The following GPC5 variants were observed in gnomAD, a reference collection of about 807,000 sequenced individuals.
GPC5 encodes the protein glypican 5, also known as glypican-5.
In GPC5, 47 loss-of-function variants were observed where a neutral mutation model predicts 53.9. The ratio of observed to expected loss-of-function variants is 0.87; its 90% CI spans 0.69 to 1.11. GPC5 has a LOEUF of 1.11. Among genes scored for constraint, GPC5 ranks in the 50% most tolerant of loss-of-function variants. The probability of loss-of-function intolerance (pLI) is 0.00; values close to 1 mark genes in which losing one functional copy is unlikely to be tolerated. For synonymous variants in GPC5, 286 were observed against 263.3 expected (o/e 1.09, Z -0.84); for missense variants, 748 against 713.1 (o/e 1.05, Z -0.56).
At chr13:91,660,178 T>G (rs1212756923) in intron 2 of GPC5, among the ~76,000 whole-genome samples, 1 of 152,214 alleles carries the variant, frequency 6.6e-6, no homozygotes, top group Non-Finnish European at 1.5e-5. Context: ...TTATCAGTTA[T>G]TGATTAAGTT....
chr13:91,643,439 A>G (rs555805786), intron 2 of GPC5, among the ~76,000 whole-genome samples: 3 of 152,234 alleles, frequency 2.0e-5, no homozygotes, highest in Non-Finnish European at 4.4e-5. Context: ...ATGATGTAAA[A>G]TATACACCAG....
intron 6 of GPC5, among the ~76,000 whole-genome samples, chr13:92,123,851 T>C (rs186759867): frequency 6.6e-6 from 1 of 152,222 alleles, no homozygotes; most frequent in Non-Finnish European, 1.5e-5. Flanking sequence ...ATATTCTTAA[T>C]TTTGTATTGA....
intron 1 of GPC5, among the ~76,000 whole-genome samples, chr13:91,444,252 C>G (rs1428803836): frequency 6.6e-6 from 1 of 152,024 alleles, no homozygotes; most frequent in African/African-American, 2.4e-5. Flanking sequence ...CACCTCATAT[C>G]TGAGTTTTAA....
intron 7 of GPC5, among the ~76,000 whole-genome samples, chr13:92,186,358 T>C (rs2042183618): frequency 6.6e-6 from 1 of 151,980 alleles, no homozygotes; most frequent in African/African-American, 2.4e-5. Context: ...TTGGATATAG[T>C]ATAATTTCCA....
intron 6 of GPC5, among the ~76,000 whole-genome samples, chr13:91,975,458 A>G (rs1460675372): frequency 1.3e-5 from 2 of 152,224 alleles, no homozygotes; most frequent in Non-Finnish European, 2.9e-5. Flanking sequence ...AAAGTGGGCA[A>G]AGGATATGAA....
At chr13:92,042,837 C>T (rs868296672) in intron 6 of GPC5, among the ~76,000 whole-genome samples, 5 of 151,872 alleles carry the variant, frequency 3.3e-5, no homozygotes, top group East Asian at 1.9e-4. Flanking sequence ...GTTCAAAGAA[C>T]GAAAAGAGCC....
chr13:92,577,507 T>G (rs1193740238), intron 7 of GPC5, among the ~76,000 whole-genome samples: 3 of 151,788 alleles, frequency 2.0e-5, no homozygotes, highest in African/African-American at 7.3e-5. Context: ...CATAAATACC[T>G]TTCTCAAGGT....
Position 91,907,654 on chromosome 13 carries a change from A to C in GPC5, c.1281-283A>C, listed in dbSNP as rs145316929. On this transcript the variant is annotated intron_variant, in intron 5 of 7. Transcript: ENST00000377067. Reference sequence around the variant, plus strand: ...CTGGTAACAAAGTGAGATATATATTAACTCTTTGTAGCATATTGTTAAGTA... The same window carrying C: ...CTGGTAACAAAGTGAGATATATATTCACTCTTTGTAGCATATTGTTAAGTA... Among the ~76,000 whole-genome samples the C allele has an allele frequency of 2.1e-3, 318 of 151,596 alleles. 4 individuals are homozygous for C. Among genetic ancestry groups the C allele is most frequent in the African/African-American group, 7.4e-3 (305 of 41,400 alleles).
chr13:91,706,192 A>ATTT lies in GPC5; in HGVS notation c.1020+12323_1020+12325dup, dbSNP rs565745298. 4.2e-5 allele frequency among the ~76,000 whole-genome samples: 6 copies of ATTT among 144,278 alleles called. No homozygotes were observed. The Admixed American group carries it at 4.2e-4, about 10-fold the overall frequency. 94.7% of individuals were successfully genotyped at this position (144,278 alleles called of 152,430 possible). On this transcript the variant is annotated intron_variant, in intron 3 of 7. Coordinates refer to ENST00000377067, the MANE Select transcript of GPC5 (RefSeq NM_004466.6). Reference sequence around the variant, plus strand: ...CCGCACCTGGCCCTAGCTACATGTAATTTTTTTTTTTTTTACTTACTATTT... The same window carrying ATTT: ...CCGCACCTGGCCCTAGCTACATGTAATTTTTTTTTTTTTTTTTACTTACTATTT...
chr13:92,356,102 A>G (rs943368910), intron 7 of GPC5, among the ~76,000 whole-genome samples: 3 of 152,114 alleles, frequency 2.0e-5, no homozygotes, highest in Non-Finnish European at 4.4e-5. Flanking sequence ...GCTCGTTTCC[A>G]AAGTCCTACC....
At chr13:92,207,200 A>G (rs543834392) in intron 7 of GPC5, among the ~76,000 whole-genome samples, 1 of 152,272 alleles carries the variant, frequency 6.6e-6, no homozygotes, top group East Asian at 1.9e-4. Flanking sequence ...TTCCTTTCCC[A>G]TTCATATAGG....
intron 2 of GPC5, among the ~76,000 whole-genome samples, chr13:91,661,533 T>C (rs557566002): frequency 6.6e-6 from 1 of 152,280 alleles, no homozygotes; most frequent in South Asian, 2.1e-4. Context: ...AAATAAGTCA[T>C]TTATGCAATG....
chr13:91,750,364 C>T (rs1482787661), intron 4 of GPC5, among the ~76,000 whole-genome samples: 1 of 152,212 alleles, frequency 6.6e-6, no homozygotes, highest in Non-Finnish European at 1.5e-5. Flanking sequence ...GAGCAACTGA[C>T]ATATGAAACA....
intron 2 of GPC5, among the ~76,000 whole-genome samples, chr13:91,663,080 A>G (rs1007983110): frequency 6.6e-6 from 1 of 152,190 alleles, no homozygotes; most frequent in African/African-American, 2.4e-5. Context: ...CTTAATCAAG[A>G]TCTTCTAGTA....
chr13:92,394,277 G>A (rs921631940), intron 7 of GPC5, among the ~76,000 whole-genome samples: 7 of 152,148 alleles, frequency 4.6e-5, no homozygotes, highest in Admixed American at 3.9e-4. Context: ...TTTTGTGTGT[G>A]TGTACGTATT....
At chr13:92,518,120 G>A (rs1349591405) in intron 7 of GPC5, among the ~76,000 whole-genome samples, 5 of 152,094 alleles carry the variant, frequency 3.3e-5, no homozygotes, top group Non-Finnish European at 7.4e-5. Flanking sequence ...AAGAAATATA[G>A]GACTCTGTGA....
chr13:91,944,196 C>A (rs1275974753), intron 6 of GPC5, among the ~76,000 whole-genome samples: 1 of 151,768 alleles, frequency 6.6e-6, no homozygotes, highest in Non-Finnish European at 1.5e-5. Flanking sequence ...CCTGGGTTCA[C>A]GTCAATCTCC....
chr13:92,489,806 C>T (rs1052275097), intron 7 of GPC5, among the ~76,000 whole-genome samples: 1 of 151,780 alleles, frequency 6.6e-6, no homozygotes, highest in Non-Finnish European at 1.5e-5. Context: ...GCTTGATTCA[C>T]CTATTCATAA....
intron 7 of GPC5, among the ~76,000 whole-genome samples, chr13:92,700,449 T>A (rs1284109714): frequency 1.3e-5 from 2 of 152,086 alleles, no homozygotes; most frequent in Admixed American, 6.6e-5. Context: ...CATTTAAGGT[T>A]AATAGTGTTA....
Sources: gnomAD v4.1 joint callset for allele counts (sites outside exome capture counted in the v4.1 genomes callset) on GRCh38, gnomAD v4.1.1 for gene constraint, MANE v1.5 for transcripts, NCBI Gene and HGNC (gene_info 2026-07-23, HGNC 2026-07-21) for gene names.